GALNT17: variants seen among roughly 807,000 people sequenced by gnomAD.
The protein encoded by GALNT17 is polypeptide N-acetylgalactosaminyltransferase 17.
Under a neutral mutation model 63.7 loss-of-function variants are expected in GALNT17, and 29 were observed. That is an observed-to-expected ratio of 0.46 (90% CI 0.34 to 0.62). GALNT17 has a LOEUF of 0.62. Ranked by LOEUF, GALNT17 falls within the 20% of genes least tolerant of loss-of-function variation. GALNT17 has a pLI of 0.01. For synonymous variants in GALNT17, 305 were observed against 318.3 expected (o/e 0.96, Z 0.45); for missense variants, 603 against 799.6 (o/e 0.75, Z 2.97).
At chr7:71,672,565 A>AT (rs1562730539) in intron 8 of GALNT17, among the ~76,000 whole-genome samples, 1 of 145,714 alleles carries the variant, frequency 6.9e-6, no homozygotes, top group African/African-American at 2.6e-5. Context: ...AGTTAAGTTA[A>AT]TTTTTTTCTT....
intron 2 of GALNT17, among the ~76,000 whole-genome samples, chr7:71,380,704 G>A (rs940520366): frequency 5.3e-5 from 8 of 152,100 alleles, no homozygotes; most frequent in Admixed American, 1.3e-4. Flanking sequence ...AGTGATGGAC[G>A]AGGCAAGGCT....
chr7:71,414,247 G>C (rs967575129), intron 3 of GALNT17, among the ~76,000 whole-genome samples: 5 of 151,922 alleles, frequency 3.3e-5, no homozygotes, highest in African/African-American at 1.2e-4. Context: ...GTCTCAAAAC[G>C]TAAAAATAAA....
chr7:71,175,043 C>G (rs1366423340), intron 1 of GALNT17, among the ~76,000 whole-genome samples: 1 of 152,184 alleles, frequency 6.6e-6, no homozygotes, highest in African/African-American at 2.4e-5. Context: ...TAATGTTTTG[C>G]CATGTTTGCT....
chr7:71,528,030 A>G (rs914265427), intron 5 of GALNT17, among the ~76,000 whole-genome samples: 1 of 152,208 alleles, frequency 6.6e-6, no homozygotes, highest in Non-Finnish European at 1.5e-5. Flanking sequence ...CAAGCAAGCT[A>G]CAAAATAGAG....
chr7:71,682,078 C>T (rs370803109), intron 9 of GALNT17, among the ~76,000 whole-genome samples: 1 of 152,098 alleles, frequency 6.6e-6, no homozygotes, highest in African/African-American at 2.4e-5. Context: ...AGGCGCCCAC[C>T]ACCATGCCCA....
chr7:71,457,455 GT>G (rs1787375394), intron 5 of GALNT17, among the ~76,000 whole-genome samples: 1 of 152,204 alleles, frequency 6.6e-6, no homozygotes, highest in African/African-American at 2.4e-5. Context: ...AGTCCGTAGA[GT>G]AAAGTGAAAG....
At chr7:71,395,729 A>G (rs1178358611) in intron 3 of GALNT17, among the ~76,000 whole-genome samples, 4 of 152,182 alleles carry the variant, frequency 2.6e-5, no homozygotes, top group Non-Finnish European at 5.9e-5. Flanking sequence ...CCATTCATAT[A>G]TGAGGGTTCC....
chr7:71,287,456 T>C (rs1286231346), intron 1 of GALNT17, among the ~76,000 whole-genome samples: 2 of 152,068 alleles, frequency 1.3e-5, no homozygotes, highest in African/African-American at 4.8e-5. Context: ...GGTTCCCACC[T>C]CCCTCTCGTC....
At chr7:71,656,719 T>C (rs1051786992) in intron 6 of GALNT17, among the ~76,000 whole-genome samples, 1 of 152,086 alleles carries the variant, frequency 6.6e-6, no homozygotes, top group African/African-American at 2.4e-5. Context: ...AGTTGAGCTG[T>C]AGTGAAGAGG....
At chr7:71,620,701 A>G (rs1351538983) in intron 6 of GALNT17, among the ~76,000 whole-genome samples, 1 of 152,224 alleles carries the variant, frequency 6.6e-6, no homozygotes, top group Non-Finnish European at 1.5e-5. Flanking sequence ...TACGTGGGAT[A>G]TCTGTCACCT....
In GALNT17 at chr7:71,306,949, G is replaced by A. The variant is rs184937532; in HGVS notation, c.239-28601G>A. Among the ~76,000 whole-genome samples the A allele has an allele frequency of 1.6e-4, 24 of 152,084 alleles. No individual in the cohort carries two copies. In the East Asian group the frequency reaches 3.9e-3, roughly 25 times the overall value. On this transcript the variant is annotated intron_variant, in intron 1 of 10. Coordinates refer to ENST00000333538, the MANE Select transcript of GALNT17 (RefSeq NM_022479.3). The stretch of plus-strand genomic sequence containing the variant: ...TGCCATTCTCCTGCCTCAGCCTCCC[G>A]AGTACCTGGGATTACAGGTGCCCAC...
At chr7:71,195,549 T>C (rs892715132) in intron 1 of GALNT17, among the ~76,000 whole-genome samples, 13 of 151,798 alleles carry the variant, frequency 8.6e-5, no homozygotes, top group Admixed American at 3.9e-4. Flanking sequence ...TTGGCTAATA[T>C]TTTAATTTTT....
At chr7:71,322,053 G>A (rs77298329) in intron 1 of GALNT17, among the ~76,000 whole-genome samples, 8,334 of 150,796 alleles carry the variant, frequency 0.055, 481 homozygotes, top group African/African-American at 0.14. Flanking sequence ...CTGAGCTTAA[G>A]CAGCTCTCTC....
At position 71,265,098 on chromosome 7, in the gene GALNT17, T is replaced by TTATATATATA. The variant is rs1554345967; in HGVS notation, c.239-70440_239-70431dup. ...AAATACCACACGTAACCCATAAATATTATATATATATATATATATATTTTT... is the reference window on the plus strand; with the variant it reads ...AAATACCACACGTAACCCATAAATATTATATATATATATATATATATATATATATATTTTT... On this transcript the variant is annotated intron_variant, in intron 1 of 10. Coordinates refer to ENST00000333538, the MANE Select transcript of GALNT17 (RefSeq NM_022479.3). Among the ~76,000 whole-genome samples, 231 of 78,316 alleles carry TTATATATATA rather than the reference T, an allele frequency of 2.9e-3. 10 individuals are homozygous for TTATATATATA. The highest frequency in any genetic ancestry group is 4.7e-3 in the Non-Finnish European group (179 of 38,152). 51.4% of individuals were successfully genotyped at this position (78,316 alleles called of 152,430 possible).
intron 2 of GALNT17, among the ~76,000 whole-genome samples, chr7:71,381,851 T>C (rs553164305): frequency 6.6e-6 from 1 of 152,160 alleles, no homozygotes; most frequent in Admixed American, 6.5e-5. Context: ...TGCAGCTGCA[T>C]GAATGTGAGA....
chr7:71,160,500 C>T (rs576540063), intron 1 of GALNT17, among the ~76,000 whole-genome samples: 1 of 152,166 alleles, frequency 6.6e-6, no homozygotes, highest in South Asian at 2.1e-4. Flanking sequence ...CTCTTGTTGC[C>T]TAGGCTGGAG....
chr7:71,472,380 C>T (rs1030851126), intron 5 of GALNT17, among the ~76,000 whole-genome samples: 1 of 152,186 alleles, frequency 6.6e-6, no homozygotes, highest in African/African-American at 2.4e-5. Context: ...ACAAAGCTAG[C>T]TTAATGAGAC....
At chr7:71,381,550 G>T (rs564613974) in intron 2 of GALNT17, among the ~76,000 whole-genome samples, 1 of 152,078 alleles carries the variant, frequency 6.6e-6, no homozygotes, top group East Asian at 1.9e-4. Flanking sequence ...AGGCCGAGGC[G>T]GGCGGATCAC....
At position 71,143,548 on chromosome 7, in the gene GALNT17, G is replaced by A. The variant is rs1421804330; in HGVS notation, c.238+10508G>A. 2.0e-5 allele frequency among the ~76,000 whole-genome samples: 3 copies of A among 152,134 alleles called. No individual in the cohort carries two copies. The East Asian group carries it at 5.8e-4, about 29-fold the overall frequency. ...TGGGGACATGTAAGTGAGGAGGTGT[G>A]GGAGCTCCTTGGTGAAGGGGAGTTT... On this transcript the variant is annotated intron_variant, in intron 1 of 10. Transcript: ENST00000333538.
Sources: gnomAD v4.1 joint callset for allele counts (sites outside exome capture counted in the v4.1 genomes callset) on GRCh38, gnomAD v4.1.1 for gene constraint, MANE v1.5 for transcripts, NCBI Gene and HGNC (gene_info 2026-07-23, HGNC 2026-07-21) for gene names.